The following CCDC186 variants were observed in gnomAD, a reference collection of about 807,000 sequenced individuals.
CCDC186 encodes the protein coiled-coil domain-containing protein 186.
In CCDC186, 49 loss-of-function variants were observed where a neutral mutation model predicts 113.7. That is an observed-to-expected ratio of 0.43 (90% confidence interval 0.34 to 0.55). CCDC186 has a LOEUF of 0.55. Among genes scored for constraint, CCDC186 ranks in the 20% least tolerant of loss-of-function variants. CCDC186 has a pLI of 0.02. For missense variants in CCDC186, 890 were observed against 1,011.1 expected (o/e 0.88, Z 1.62); for synonymous variants, 355 against 345.8 (o/e 1.03, Z -0.30).
intron 3 of CCDC186, among the ~76,000 whole-genome samples, chr10:114,156,160 CA>C (rs1471086469): frequency 6.6e-6 from 1 of 152,072 alleles, no homozygotes; most frequent in African/African-American, 2.4e-5. Context: ...GACCCTAGAG[CA>C]CATAAAAATC....
rs368806691 is a variant in CCDC186 at position 114,134,940 on chromosome 10, G to C, written c.1628C>G (p.Ala543Gly). The change falls in exon 10 of 16, where the codon GCA becomes GGA. Residue 543 changes from alanine (A) to glycine (G), a missense_variant. Coordinates refer to ENST00000369287, the MANE Select transcript of CCDC186 (RefSeq NM_018017.4). Reference protein sequence around the residue: ...IQNLLDKVKTADQLQEQLQRG... With the variant: ...IQNLLDKVKTGDQLQEQLQRG... Reference sequence around the variant, plus strand: ...TTGAAGCTGCTCCTGTAGCTGATCTGCAGTTTTCACCTTGTCCAATAAATT... The same window carrying C: ...TTGAAGCTGCTCCTGTAGCTGATCTCCAGTTTTCACCTTGTCCAATAAATT... 55 of 1,611,150 alleles carry C rather than the reference G, an allele frequency of 3.4e-5. No individual in the cohort carries two copies. Among genetic ancestry groups the C allele is most frequent in the Non-Finnish European group, 4.5e-5 (53 of 1,179,122 alleles).
chr10:114,152,857 T>TA (rs1464192947), intron 3 of CCDC186, among the ~76,000 whole-genome samples: 2 of 151,968 alleles, frequency 1.3e-5, no homozygotes. Flanking sequence ...AAAAACAGAC[T>TA]AAAATTAAGA....
chr10:114,169,493 T>G (rs2032433450), intron 1 of CCDC186, among the ~76,000 whole-genome samples: 1 of 152,118 alleles, frequency 6.6e-6, no homozygotes, highest in Non-Finnish European at 1.5e-5. Flanking sequence ...TCCACCAGCC[T>G]CAGCCTCCCA....
At chr10:114,160,127 G>A (rs558052474) in intron 2 of CCDC186, among the ~76,000 whole-genome samples, 4 of 152,156 alleles carry the variant, frequency 2.6e-5, no homozygotes, top group East Asian at 3.9e-4. Context: ...AAAATTAGCC[G>A]GGTGTAGTGG....
intron 15 of CCDC186, among the ~76,000 whole-genome samples, 161 bp downstream of exon 15, chr10:114,125,725 A>C (rs1453585403): frequency 6.6e-6 from 1 of 152,174 alleles, no homozygotes; most frequent in African/African-American, 2.4e-5. Context: ...TAATATAAAA[A>C]ACTATACTTT....
intron 10 of CCDC186, among the ~76,000 whole-genome samples, chr10:114,134,430 G>C (rs1164831889): frequency 6.6e-6 from 1 of 152,152 alleles, no homozygotes; most frequent in African/African-American, 2.4e-5. Flanking sequence ...CAGCAGCTTA[G>C]TTATCAGCAA....
intron 11 of CCDC186, 79 bp from the exon 12 acceptor site, chr10:114,131,415 A>G: frequency 8.2e-7 from 1 of 1,218,146 alleles, no homozygotes; most frequent in Non-Finnish European, 1.1e-6. Flanking sequence ...AACCTTAACA[A>G]TCTAAGGTTC....
In CCDC186 at chr10:114,121,600, T is replaced by C. The variant is rs143437045; in HGVS notation, c.*3543A>G. 19 of 152,312 alleles carry C rather than the reference T, an allele frequency of 1.2e-4. No individual in the cohort carries two copies. The highest frequency in any genetic ancestry group is 4.6e-4 in the African/African-American group (19 of 41,568). 9.4% of individuals were successfully genotyped at this position (152,312 alleles called of 1,614,324 possible). On this transcript the variant is annotated 3_prime_UTR_variant, in exon 16 of 16. Transcript: ENST00000369287. ...TTAAATAATGAAAATCAAACTATGATAAAAGTTAGGAAACGTGCAGAACCA... is the reference window on the plus strand; with the variant it reads ...TTAAATAATGAAAATCAAACTATGACAAAAGTTAGGAAACGTGCAGAACCA...
chr10:114,127,599 T>TAGA lies in CCDC186; in HGVS notation c.2254_2255insTCT (p.Asn752delinsIleTyr). On this transcript the variant is annotated protein_altering_variant, in exon 14 of 16. Coordinates refer to ENST00000369287, the MANE Select transcript of CCDC186 (RefSeq NM_018017.4). ...CATGGCCTTATCTACTTGTGGAAAG[T>TAGA]TATCCACAGCTACTGAGGACCCAGT... The TAGA allele has an allele frequency of 6.2e-7, 1 of 1,614,112 alleles. No homozygotes were observed.
At position 114,137,826 on chromosome 10, in the gene CCDC186, C is replaced by T. The variant is rs559186317; in HGVS notation, c.1222-536G>A. ...CTGAGGTGGGCAGATCATCAGAGGT[C>T]GGGAGTTTGAGACCAGCCTGACCAA... is the stretch of plus-strand genomic sequence containing the variant. On this transcript the variant is annotated intron_variant, in intron 6 of 15. Transcript: ENST00000369287. 2.0e-5 allele frequency among the ~76,000 whole-genome samples: 3 copies of T among 151,906 alleles called. No homozygotes were observed. The South Asian group carries it at 6.2e-4, about 32-fold the overall frequency.
At chr10:114,167,978 G>A (rs1019624422) in intron 1 of CCDC186, among the ~76,000 whole-genome samples, 2 of 151,764 alleles carry the variant, frequency 1.3e-5, no homozygotes, top group Non-Finnish European at 2.9e-5. Context: ...AGTGAGACTC[G>A]TTCTCTAAGA....
chr10:114,139,040 T>C (rs571015528), intron 6 of CCDC186, among the ~76,000 whole-genome samples: 1 of 152,368 alleles, frequency 6.6e-6, no homozygotes, highest in South Asian at 2.1e-4. Context: ...ATAGCTTATA[T>C]GTTCCCCTAA....
At chr10:114,144,731 T>G in intron 5 of CCDC186, 115 bp from the exon 6 acceptor site, 1 of 868,314 alleles carries the variant, frequency 1.2e-6, no homozygotes, top group Non-Finnish European at 1.7e-6. Context: ...GCTGGCACAC[T>G]ATAGCCCACA....
chr10:114,155,986 C>A lies in CCDC186; in HGVS notation c.759+1568G>T, dbSNP rs367773612. Among the ~76,000 whole-genome samples the A allele has an allele frequency of 1.0e-3, 158 of 151,978 alleles. 2 individuals are homozygous for A. Among genetic ancestry groups the A allele is most frequent in the Middle Eastern group, 3.4e-3 (1 of 294 alleles). The stretch of plus-strand genomic sequence containing the variant: ...TTCTCTTTAAAAACAACAACAACAA[C>A]AAAAAAAGCCCACTAATAAGCTCAT... On this transcript the variant is annotated intron_variant, in intron 3 of 15. Coordinates refer to ENST00000369287, the MANE Select transcript of CCDC186 (RefSeq NM_018017.4).
chr10:114,167,154 G>A (rs2032360183), intron 1 of CCDC186, among the ~76,000 whole-genome samples: 2 of 151,802 alleles, frequency 1.3e-5, no homozygotes, highest in Admixed American at 1.3e-4. Flanking sequence ...CCAAGTAGCT[G>A]GGATTACAGG....
At chr10:114,139,625 A>G (rs73355741) in intron 6 of CCDC186, among the ~76,000 whole-genome samples, 4 of 152,278 alleles carry the variant, frequency 2.6e-5, no homozygotes, top group African/African-American at 9.6e-5. Context: ...CATTAAAAAA[A>G]ATAAATCTAC....
Position 114,134,573 on chromosome 10 carries a change from G to A in CCDC186, c.1655+340C>T, listed in dbSNP as rs74376655. 8.5e-3 allele frequency among the ~76,000 whole-genome samples: 1,293 copies of A among 152,282 alleles called. 20 individuals carry two copies. The highest frequency in any genetic ancestry group is 0.029 in the African/African-American group (1,206 of 41,544). On this transcript the variant is annotated intron_variant, in intron 10 of 15. Coordinates refer to ENST00000369287, the MANE Select transcript of CCDC186 (RefSeq NM_018017.4). ...CAGCTCCGGATCTTAAGCTACACAC[G>A]TGCGAAGATCTAGAGCAAGATTTAC...
chr10:114,128,616 T>C (rs920607325), intron 13 of CCDC186, among the ~76,000 whole-genome samples: 2 of 152,194 alleles, frequency 1.3e-5, no homozygotes, highest in South Asian at 2.1e-4. Flanking sequence ...ATGGGAATTA[T>C]AATACCTACC....
chr10:114,131,469 G>A, intron 11 of CCDC186, 133 bp from the exon 12 acceptor site: 1 of 743,480 alleles, frequency 1.3e-6, no homozygotes, highest in Non-Finnish European at 2.0e-6. Context: ...ATCAGCTTTT[G>A]TTTACTTGAG....
Sources: allele counts gnomAD v4.1 joint callset (sites outside exome capture counted in the v4.1 genomes callset), GRCh38; gene constraint gnomAD v4.1.1; transcripts MANE v1.5; gene names NCBI Gene and HGNC (gene_info 2026-07-23, HGNC 2026-07-21).